SLC35D4: variants seen among roughly 807,000 people sequenced by gnomAD.
SLC35D4 encodes solute carrier family 35 member D4.
At chr18:23,326,859 A>G in the SLC35D4 span, among the ~76,000 whole-genome samples, 1 of 152,224 alleles carries the variant, frequency 6.6e-6, no homozygotes, top group South Asian at 2.1e-4. Context: ...TGTCTCTCAG[A>G]CCACAGTGCA....
the SLC35D4 span, among the ~76,000 whole-genome samples, chr18:23,256,626 G>A: frequency 2.0e-5 from 3 of 151,928 alleles, no homozygotes; most frequent in Admixed American, 6.6e-5. Context: ...GATTACAGGC[G>A]CCCACCGCCA....
the SLC35D4 span, among the ~76,000 whole-genome samples, chr18:23,426,682 G>T: frequency 6.6e-6 from 1 of 152,080 alleles, no homozygotes; most frequent in Non-Finnish European, 1.5e-5. Context: ...AAGTTCATAT[G>T]GAACCAAAAA....
At chr18:23,252,018 G>A in the SLC35D4 span, among the ~76,000 whole-genome samples, 10 of 151,846 alleles carry the variant, frequency 6.6e-5, no homozygotes, top group Non-Finnish European at 1.2e-4. Context: ...CCCGGGAGGC[G>A]GAGGTTGCAG....
At chr18:23,377,287 G>A in the SLC35D4 span, among the ~76,000 whole-genome samples, 2 of 152,090 alleles carry the variant, frequency 1.3e-5, no homozygotes, top group African/African-American at 2.4e-5. Context: ...TTTCCACCAC[G>A]GAAAATATTA....
the SLC35D4 span, among the ~76,000 whole-genome samples, chr18:23,306,296 C>T: frequency 2.6e-3 from 398 of 151,552 alleles, no homozygotes; most frequent in Non-Finnish European, 5.2e-3. Context: ...GAAAAAAATA[C>T]TTACTTTCTT....
the SLC35D4 span, among the ~76,000 whole-genome samples, chr18:23,345,630 A>T: frequency 4.6e-5 from 7 of 152,002 alleles, no homozygotes; most frequent in African/African-American, 1.7e-4. Flanking sequence ...TTCAAATCAC[A>T]TAATTTAAGT....
At chr18:23,350,246 A>T in the SLC35D4 span, among the ~76,000 whole-genome samples, 1 of 152,044 alleles carries the variant, frequency 6.6e-6, no homozygotes, top group African/African-American at 2.4e-5. Context: ...CTTTACTCAA[A>T]TTTTTTTCTT....
chr18:23,318,304 T>C, the SLC35D4 span, among the ~76,000 whole-genome samples: 2 of 152,242 alleles, frequency 1.3e-5, no homozygotes, highest in Non-Finnish European at 2.9e-5. Flanking sequence ...GATGGAGGTA[T>C]AACAGTTCTT....
the SLC35D4 span, chr18:23,356,719 GC>G: frequency 1.3e-6 from 2 of 1,535,148 alleles, no homozygotes; most frequent in Non-Finnish European, 1.8e-6. This position sits in a 1 kb window ranked among gnomAD's most constrained non-coding sequence, Gnocchi z 4.1. Flanking sequence ...ATGACCCTCT[GC>G]CCCATTGCCC....
the SLC35D4 span, among the ~76,000 whole-genome samples, chr18:23,275,727 A>AG: frequency 6.6e-6 from 1 of 152,028 alleles, no homozygotes; most frequent in Admixed American, 6.5e-5. Flanking sequence ...CAACTCTTAT[A>AG]GGGGGTCAAA....
chr18:23,415,610 G>A, the SLC35D4 span, among the ~76,000 whole-genome samples: 9 of 152,178 alleles, frequency 5.9e-5, no homozygotes, highest in Admixed American at 3.3e-4. Context: ...GGGTCACAAC[G>A]TTCTTTTAGA....
the SLC35D4 span, among the ~76,000 whole-genome samples, chr18:23,246,321 G>A: frequency 3.3e-5 from 5 of 151,830 alleles, no homozygotes; most frequent in African/African-American, 7.2e-5. Flanking sequence ...AGAAGGAGTC[G>A]CTGCTTGTTT....
the SLC35D4 span, among the ~76,000 whole-genome samples, chr18:23,276,433 T>TA: frequency 1.8e-5 from 2 of 109,782 alleles, no homozygotes; most frequent in Non-Finnish European, 3.5e-5. Flanking sequence ...CAGAATTTTG[T>TA]TTTTTTTTTT....
chr18:23,405,709 G>T, the SLC35D4 span, among the ~76,000 whole-genome samples: 35 of 152,262 alleles, frequency 2.3e-4, no homozygotes, highest in African/African-American at 8.2e-4. Flanking sequence ...GAGGGGTGTC[G>T]GGGAAGGAGA....
the SLC35D4 span, among the ~76,000 whole-genome samples, chr18:23,346,951 T>C: frequency 6.6e-6 from 1 of 152,362 alleles, no homozygotes; most frequent in South Asian, 2.1e-4. Flanking sequence ...TTTGTCCCTG[T>C]GTTCATGAGG....
the SLC35D4 span, among the ~76,000 whole-genome samples, chr18:23,240,904 G>A: frequency 4.2e-4 from 64 of 152,312 alleles, no homozygotes; most frequent in Admixed American, 2.6e-3. Flanking sequence ...TGCTGCAGCC[G>A]CTAAAAGGAG....
the SLC35D4 span, chr18:23,258,166 C>G: frequency 6.6e-6 from 1 of 152,508 alleles, no homozygotes; most frequent in Admixed American, 6.5e-5. Flanking sequence ...TGGAGCGTGG[C>G]GCTCTGTAAC....
chr18:23,257,041 T>C, the SLC35D4 span: 1 of 619,040 alleles, frequency 1.6e-6, no homozygotes, highest in African/African-American at 1.9e-5. Flanking sequence ...AAGGAGCAGC[T>C]CCTTCACAAC....
At chr18:23,270,618 A>T in the SLC35D4 span, among the ~76,000 whole-genome samples, 1 of 152,264 alleles carries the variant, frequency 6.6e-6, no homozygotes, top group Admixed American at 6.5e-5. Flanking sequence ...TATACCCTGC[A>T]AAGCCACAGG....
Sources: gnomAD v4.1 joint callset for allele counts (sites outside exome capture counted in the v4.1 genomes callset) on GRCh38, gnomAD v4.1.1 for gene constraint, Gnocchi (gnomAD v3.1) non-coding constraint, MANE v1.5 for transcripts, NCBI Gene and HGNC (gene_info 2026-07-23, HGNC 2026-07-21) for gene names.